NETO1: variants seen among roughly 807,000 people sequenced by gnomAD.
NETO1 encodes the protein neuropilin and tolloid-like protein 1.
In NETO1, 26 loss-of-function variants were observed where a neutral mutation model predicts 61.3. That is an observed-to-expected ratio of 0.42 (90% CI 0.31 to 0.59). NETO1 has a LOEUF of 0.59. NETO1 is among the 20% of genes least tolerant of loss of function. The pLI is 0.12. For missense variants in NETO1, 531 were observed against 662.8 expected, an observed-to-expected ratio of 0.80 and a Z score of 2.18; for synonymous variants, 225 against 225.8, an observed-to-expected ratio of 1.00 and a Z score of 0.03.
chr18:72,847,633 T>C (rs1474185272), intron 4 of NETO1, among the ~76,000 whole-genome samples: 1 of 152,202 alleles, frequency 6.6e-6, no homozygotes, highest in Non-Finnish European at 1.5e-5. Context: ...TAAAATCAGA[T>C]GATATAAAAA....
At chr18:72,827,420 G>C (rs549193461) in intron 4 of NETO1, among the ~76,000 whole-genome samples, 1 of 152,286 alleles carries the variant, frequency 6.6e-6, no homozygotes, top group East Asian at 1.9e-4. Context: ...TAGGGTTGTA[G>C]CCTGGGTTGG....
chr18:72,863,107 C>T (rs1490352583), intron 3 of NETO1, among the ~76,000 whole-genome samples: 1 of 152,146 alleles, frequency 6.6e-6, no homozygotes, highest in African/African-American at 2.4e-5. Context: ...TCAATGGCAC[C>T]TCATTGTCTC....
At chr18:72,862,007 G>A (rs1024170691) in intron 3 of NETO1, among the ~76,000 whole-genome samples, 2 of 152,096 alleles carry the variant, frequency 1.3e-5, no homozygotes, top group Non-Finnish European at 2.9e-5. Context: ...TGGCTGCTGT[G>A]GCATCGTGCG....
At chr18:72,776,667 T>G (rs1307688626) in intron 7 of NETO1, among the ~76,000 whole-genome samples, 1 of 152,122 alleles carries the variant, frequency 6.6e-6, no homozygotes, top group African/African-American at 2.4e-5. Flanking sequence ...ATAAGGGCAC[T>G]CATCTCACTT....
Position 72,823,575 on chromosome 18 carries a change from C to T in NETO1, c.470-29171G>A, listed in dbSNP as rs188405103. Among the ~76,000 whole-genome samples, 796 of 151,998 alleles carry T rather than the reference C, an allele frequency of 5.2e-3. 11 individuals are homozygous for T. Among genetic ancestry groups the T allele is most frequent in the African/African-American group, 0.018 (744 of 41,474 alleles). ...GAGTGGCCGCGGCCGTGTGAGAAGA[C>T]GGGAGTTAAAAGGATGGAGGTGTGG... On this transcript the variant is annotated intron_variant, in intron 4 of 10. Coordinates refer to ENST00000327305, the MANE Select transcript of NETO1 (RefSeq NM_138966.5).
rs1368898950 is a variant in NETO1 at position 72,834,883 on chromosome 18, C to G, written c.469+23943G>C. On this transcript the variant is annotated intron_variant, in intron 4 of 10. Transcript: ENST00000327305. ...AGATTGTAATACAAGAATAAATTAT[C>G]GAAAAAGATTATATAATTATAATCT... 4.6e-6 allele frequency: 4 copies of G among 861,682 alleles called. No individual in the cohort carries two copies. The South Asian group carries it at 2.1e-4, about 46-fold the overall frequency. 53.4% of individuals were successfully genotyped at this position (861,682 alleles called of 1,614,324 possible).
At chr18:72,822,799 C>T (rs910288179) in intron 4 of NETO1, among the ~76,000 whole-genome samples, 49 of 152,022 alleles carry the variant, frequency 3.2e-4, no homozygotes, top group Admixed American at 9.2e-4. Context: ...AATCATATTT[C>T]CCCCACAAGA....
chr18:72,820,172 T>C (rs1452431121), intron 4 of NETO1, among the ~76,000 whole-genome samples: 1 of 152,246 alleles, frequency 6.6e-6, no homozygotes, highest in Admixed American at 6.5e-5. Context: ...GAGAGTCCTT[T>C]AATGTTCATT....
At chr18:72,847,345 G>A in intron 4 of NETO1, among the ~76,000 whole-genome samples, 1 of 152,172 alleles carries the variant, frequency 6.6e-6, no homozygotes, top group East Asian at 1.9e-4. Flanking sequence ...ATGCCATGAG[G>A]ACACATTGAA....
intron 4 of NETO1, among the ~76,000 whole-genome samples, chr18:72,843,508 T>C (rs909256874): frequency 6.6e-5 from 10 of 152,128 alleles, no homozygotes; most frequent in Non-Finnish European, 1.2e-4. Context: ...AAAGGAAGCA[T>C]GACAAAGTTA....
chr18:72,783,992 A>C, intron 6 of NETO1, 86 bp from the exon 7 acceptor site: 1 of 891,748 alleles, frequency 1.1e-6, no homozygotes, highest in Non-Finnish European at 1.8e-6. Flanking sequence ...TTTCAGTCTC[A>C]CAAGACAATC....
intron 7 of NETO1, among the ~76,000 whole-genome samples, chr18:72,768,883 A>T (rs2071252483): frequency 6.6e-6 from 1 of 152,238 alleles, no homozygotes; most frequent in Admixed American, 6.5e-5. Context: ...GAAGTGTAAG[A>T]TAATAAAGTT....
At position 72,867,621 on chromosome 18, in the gene NETO1, T is replaced by G; in HGVS notation, c.-330A>C. ...CGCGCCGCCGCCGTCAGGACCCTCCTCCCGGGCATCGTCGCCGCCGCGGGG... is the reference window on the plus strand; with the variant it reads ...CGCGCCGCCGCCGTCAGGACCCTCCGCCCGGGCATCGTCGCCGCCGCGGGG... On this transcript the variant is annotated 5_prime_UTR_variant, in exon 1 of 11. Coordinates refer to ENST00000327305, the MANE Select transcript of NETO1 (RefSeq NM_138966.5). 1 of 194,664 alleles carries G rather than the reference T, an allele frequency of 5.1e-6. No individual in the cohort carries two copies. Among genetic ancestry groups the G allele is most frequent in the Middle Eastern group, 1.8e-3 (1 of 556 alleles). The allele number at this position is 194,664 out of a possible 1,614,324, so 12.1% of individuals were successfully genotyped here. A position where few individuals can be genotyped will look rare whatever the true frequency, so the allele number is the denominator to read the frequency against.
Position 72,828,795 on chromosome 18 carries a change from C to T in NETO1, c.469+30031G>A, listed in dbSNP as rs148397317. ...AGGATGACTGCAGATATTTCAACAG[C>T]GAAAACGAAAGCCAACAGACAGTCA... On this transcript the variant is annotated intron_variant, in intron 4 of 10. Coordinates refer to ENST00000327305, the MANE Select transcript of NETO1 (RefSeq NM_138966.5). Among the ~76,000 whole-genome samples, 78 of 152,162 alleles carry T rather than the reference C, an allele frequency of 5.1e-4. 1 individual carries two copies. Among genetic ancestry groups the T allele is most frequent in the African/African-American group, 1.5e-3 (63 of 41,528 alleles).
At chr18:72,766,946 A>G (rs536287982) in intron 7 of NETO1, among the ~76,000 whole-genome samples, 4 of 152,318 alleles carry the variant, frequency 2.6e-5, no homozygotes, top group Non-Finnish European at 5.9e-5. Context: ...AGACATTACA[A>G]TTACAATAAG....
intron 4 of NETO1, among the ~76,000 whole-genome samples, chr18:72,795,334 C>T (rs1426681103): frequency 6.6e-6 from 1 of 151,980 alleles, no homozygotes. Context: ...TATCGGACGT[C>T]GTGGAATCAT....
At position 72,830,255 on chromosome 18, in the gene NETO1, G is replaced by A. The variant is rs1599099926; in HGVS notation, c.469+28571C>T. On this transcript the variant is annotated intron_variant, in intron 4 of 10. Transcript: ENST00000327305. This position sits in a 1 kb window ranked among gnomAD's most constrained non-coding sequence, Gnocchi z 4.9. ...GGAACAGCAGTGCTATCTTGGTGCC[G>A]GCTTGCGAGAGTAGGCATGGTGCTA... Among the ~76,000 whole-genome samples, 1 of 152,134 alleles carries A rather than the reference G, an allele frequency of 6.6e-6. No homozygotes were observed. The highest frequency in any genetic ancestry group is 1.9e-4 in the East Asian group (1 of 5,190).
At chr18:72,773,117 G>T (rs879602848) in intron 7 of NETO1, among the ~76,000 whole-genome samples, 3 of 151,652 alleles carry the variant, frequency 2.0e-5, no homozygotes, top group Admixed American at 2.0e-4. Flanking sequence ...ACAAAACAGG[G>T]ATTCCCCCCT....
chr18:72,771,355 G>T (rs970534867), intron 7 of NETO1, among the ~76,000 whole-genome samples: 9 of 152,062 alleles, frequency 5.9e-5, no homozygotes, highest in African/African-American at 2.2e-4. Context: ...AACCTTCCGT[G>T]GGTAATTTAC....
Sources: allele counts gnomAD v4.1 joint callset (sites outside exome capture counted in the v4.1 genomes callset), GRCh38; gene constraint gnomAD v4.1.1; non-coding constraint Gnocchi (gnomAD v3.1); transcripts MANE v1.5; gene names NCBI Gene and HGNC (gene_info 2026-07-23, HGNC 2026-07-21).